NDUFS4: variants seen among roughly 807,000 people sequenced by gnomAD.
NDUFS4 encodes NADH dehydrogenase [ubiquinone] iron-sulfur protein 4, mitochondrial.
A neutral mutation model predicts 24.3 loss-of-function variants in NDUFS4; 28 were observed. The ratio of observed to expected loss-of-function variants is 1.15; its 90% CI spans 0.85 to 1.58. NDUFS4 has a LOEUF of 1.58. Ranked by LOEUF, NDUFS4 falls within the 40% of genes most tolerant of loss-of-function variation. The pLI is 0.00. For missense variants in NDUFS4, 223 were observed against 207.9 expected (o/e 1.07, Z -0.45); for synonymous variants, 93 against 69.7 (o/e 1.34, Z -1.67).
chr5:53,561,425 CTAAAGTAGTACTT>C (rs1748840364), intron 1 of NDUFS4, among the ~76,000 whole-genome samples: 1 of 151,834 alleles, frequency 6.6e-6, no homozygotes, highest in South Asian at 2.1e-4. Context: ...CCTTGAGAAC[CTAAAGTAGTACTT>C]TTCCAAAGTA....
At chr5:53,658,168 T>C (rs1752218532) in intron 3 of NDUFS4, among the ~76,000 whole-genome samples, 1 of 152,146 alleles carries the variant, frequency 6.6e-6, no homozygotes, top group South Asian at 2.1e-4. Flanking sequence ...ATGTGTATTG[T>C]TGCATTTTCT....
At chr5:53,639,926 G>T (rs779187574) in intron 2 of NDUFS4, among the ~76,000 whole-genome samples, 4 of 152,026 alleles carry the variant, frequency 2.6e-5, no homozygotes, top group Non-Finnish European at 5.9e-5. Flanking sequence ...TTCCAGGGAG[G>T]AGTTTTATAA....
At chr5:53,602,369 C>T (rs989784386) in intron 1 of NDUFS4, among the ~76,000 whole-genome samples, 10 of 152,004 alleles carry the variant, frequency 6.6e-5, no homozygotes, top group Admixed American at 3.9e-4. Context: ...GGGGCATTTA[C>T]AGTGATAAAG....
intron 4 of NDUFS4, among the ~76,000 whole-genome samples, chr5:53,661,354 G>A: frequency 6.6e-6 from 1 of 152,008 alleles, no homozygotes; most frequent in East Asian, 1.9e-4. Context: ...TGTTCCATTG[G>A]TGTATATCTC....
intron 4 of NDUFS4, among the ~76,000 whole-genome samples, chr5:53,662,007 G>A (rs1380061949): frequency 1.3e-5 from 2 of 152,038 alleles, no homozygotes; most frequent in Non-Finnish European, 2.9e-5. Flanking sequence ...CTGCCTGATT[G>A]CCCTGGCCAG....
At chr5:53,630,794 A>C (rs1217959086) in intron 2 of NDUFS4, among the ~76,000 whole-genome samples, 1 of 152,022 alleles carries the variant, frequency 6.6e-6, no homozygotes, top group Non-Finnish European at 1.5e-5. Flanking sequence ...ACTTTTTTCA[A>C]GGTTCTTAGC....
intron 4 of NDUFS4, among the ~76,000 whole-genome samples, chr5:53,660,981 C>T (rs1262035291): frequency 6.6e-6 from 1 of 152,144 alleles, no homozygotes; most frequent in African/African-American, 2.4e-5. Context: ...GTTTATTTTG[C>T]TGTGCAGAAA....
intron 2 of NDUFS4, among the ~76,000 whole-genome samples, chr5:53,614,617 A>C (rs1247183852): frequency 6.6e-6 from 1 of 152,010 alleles, no homozygotes; most frequent in African/African-American, 2.4e-5. Context: ...AAAATACAGT[A>C]AAGGTTTAAA....
chr5:53,648,601 A>G lies in NDUFS4; in HGVS notation c.350+2196A>G, dbSNP rs570063649. Among the ~76,000 whole-genome samples, 44 of 152,330 alleles carry G rather than the reference A, an allele frequency of 2.9e-4. 1 individual carries two copies. In the South Asian group the frequency reaches 8.5e-3, roughly 29 times the overall value. ...TGCATCTGTAAGAATGGTCATATAC[A>G]GACAAAATCAGTGGTTCTCAACTGA... On this transcript the variant is annotated intron_variant, in intron 3 of 4. Transcript: ENST00000296684.
intron 4 of NDUFS4, among the ~76,000 whole-genome samples, chr5:53,667,407 G>T (rs1047883483): frequency 3.3e-5 from 5 of 151,298 alleles, no homozygotes; most frequent in African/African-American, 1.2e-4. Flanking sequence ...AGAGGTTGCA[G>T]TGAGCTGAGA....
intron 2 of NDUFS4, among the ~76,000 whole-genome samples, chr5:53,629,493 A>G (rs911258890): frequency 6.6e-6 from 1 of 152,110 alleles, no homozygotes; most frequent in African/African-American, 2.4e-5. Flanking sequence ...AAAGTCTTCC[A>G]GTGTTATTGT....
At chr5:53,575,127 C>G (rs1749342539) in intron 1 of NDUFS4, among the ~76,000 whole-genome samples, 2 of 152,142 alleles carry the variant, frequency 1.3e-5, no homozygotes, top group African/African-American at 4.8e-5. Context: ...TCTCTGAGCA[C>G]TTGTTTCTTT....
intron 1 of NDUFS4, among the ~76,000 whole-genome samples, chr5:53,582,143 G>A (rs1369107109): frequency 6.6e-6 from 1 of 151,688 alleles, no homozygotes; most frequent in Non-Finnish European, 1.5e-5. Context: ...CCCAGGAGGC[G>A]GAGCTTGCAG....
intron 1 of NDUFS4, among the ~76,000 whole-genome samples, chr5:53,566,256 G>T (rs973687199): frequency 6.6e-6 from 1 of 152,142 alleles, no homozygotes; most frequent in Non-Finnish European, 1.5e-5. Context: ...GATCTGTTTG[G>T]GGTGAGGTAT....
At chr5:53,609,592 G>T (rs1164604219) in intron 2 of NDUFS4, among the ~76,000 whole-genome samples, 3 of 152,190 alleles carry the variant, frequency 2.0e-5, no homozygotes, top group Admixed American at 6.5e-5. Flanking sequence ...CTAAGAGTCA[G>T]CCTGTCCTTT....
intron 2 of NDUFS4, among the ~76,000 whole-genome samples, chr5:53,607,293 A>C (rs916688337): frequency 4.6e-5 from 7 of 152,214 alleles, no homozygotes; most frequent in African/African-American, 1.7e-4. Flanking sequence ...TAAATACTAG[A>C]AAGATGTCAA....
chr5:53,608,277 C>T (rs964396835), intron 2 of NDUFS4, among the ~76,000 whole-genome samples: 2 of 152,136 alleles, frequency 1.3e-5, no homozygotes, highest in Middle Eastern at 3.2e-3. Flanking sequence ...TTTAGGGAAT[C>T]GTAATCATTT....
At chr5:53,614,937 A>T (rs982543777) in intron 2 of NDUFS4, among the ~76,000 whole-genome samples, 1 of 151,994 alleles carries the variant, frequency 6.6e-6, no homozygotes, top group Admixed American at 6.6e-5. Flanking sequence ...CTGAAAATAC[A>T]TTATTAGTCT....
chr5:53,607,072 A>T (rs1750541072), intron 2 of NDUFS4, among the ~76,000 whole-genome samples: 1 of 152,202 alleles, frequency 6.6e-6, no homozygotes, highest in African/African-American at 2.4e-5. Context: ...CACAATACAG[A>T]AGGCACAGAT....
Sources: allele counts gnomAD v4.1 joint callset (sites outside exome capture counted in the v4.1 genomes callset), GRCh38; gene constraint gnomAD v4.1.1; transcripts MANE v1.5; gene names NCBI Gene and HGNC (gene_info 2026-07-23, HGNC 2026-07-21).